ENOX1: variants seen among roughly 807,000 people sequenced by gnomAD.
ENOX1 encodes ecto-NOX disulfide-thiol exchanger 1, also known as candidate growth-related and time keeping constitutive hydroquinone (NADH) oxidase.
ENOX1 carries 42 observed loss-of-function variants against 82.5 expected under a neutral mutation model. The ratio of observed to expected loss-of-function variants is 0.51; its 90% CI spans 0.40 to 0.66. The LOEUF (loss-of-function observed/expected upper bound fraction) is 0.66, where lower values mean the gene tolerates loss of function less well. Ranked by LOEUF, ENOX1 falls within the 30% of genes least tolerant of loss-of-function variation. ENOX1 has a pLI of 0.00. For synonymous variants in ENOX1, 271 were observed against 282.2 expected (o/e 0.96, Z 0.40); for missense variants, 608 against 811.6 (o/e 0.75, Z 3.05).
chr13:43,680,147 G>C (rs1312020769), intron 1 of ENOX1, among the ~76,000 whole-genome samples: 1 of 152,126 alleles, frequency 6.6e-6, no homozygotes, highest in African/African-American at 2.4e-5. Context: ...TCACATATTT[G>C]TTTAGTGTTC....
intron 1 of ENOX1, among the ~76,000 whole-genome samples, chr13:43,780,139 C>T (rs547225127): frequency 6.8e-6 from 1 of 146,254 alleles, no homozygotes; most frequent in African/African-American, 2.5e-5. Flanking sequence ...CCAGCCTGGG[C>T]GACAGAGCGA....
intron 2 of ENOX1, among the ~76,000 whole-genome samples, chr13:43,497,775 C>T (rs2076843636): frequency 6.6e-6 from 1 of 152,036 alleles, no homozygotes; most frequent in South Asian, 2.1e-4. Context: ...TTCTCCCCAC[C>T]TCTATTTCCC....
chr13:43,283,098 A>AG (rs2045492082), intron 12 of ENOX1, among the ~76,000 whole-genome samples: 2 of 142,590 alleles, frequency 1.4e-5, no homozygotes, highest in South Asian at 4.4e-4. Flanking sequence ...AAGAAAAAAA[A>AG]AAATTTAAGC....
chr13:43,660,543 C>G (rs925941212), intron 2 of ENOX1, among the ~76,000 whole-genome samples: 1 of 152,158 alleles, frequency 6.6e-6, no homozygotes, highest in Non-Finnish European at 1.5e-5. Context: ...TAATCGCATG[C>G]TCTTATAAAC....
intron 11 of ENOX1, among the ~76,000 whole-genome samples, chr13:43,310,810 C>T (rs1015819631): frequency 8.6e-5 from 13 of 151,956 alleles, no homozygotes; most frequent in Non-Finnish European, 1.8e-4. Flanking sequence ...AAGCTTCAGT[C>T]ATTACCTCTT....
chr13:43,351,178 G>A (rs1427135441), intron 8 of ENOX1, among the ~76,000 whole-genome samples: 2 of 152,154 alleles, frequency 1.3e-5, no homozygotes, highest in African/African-American at 4.8e-5. Flanking sequence ...TGTCCCTAAA[G>A]AAGTCTCCTT....
intron 5 of ENOX1, among the ~76,000 whole-genome samples, chr13:43,403,631 A>C (rs2153592060): frequency 6.6e-6 from 1 of 152,226 alleles, no homozygotes; most frequent in Middle Eastern, 3.4e-3. Context: ...TTGCTTGATC[A>C]AGCCCAGGAG....
intron 2 of ENOX1, among the ~76,000 whole-genome samples, chr13:43,584,861 C>T (rs2080906117): frequency 1.3e-5 from 2 of 152,218 alleles, no homozygotes. Flanking sequence ...TTCATGTCAC[C>T]AAAATCTCCA....
chr13:43,415,451 T>A (rs1203841212), intron 3 of ENOX1, among the ~76,000 whole-genome samples: 1 of 151,978 alleles, frequency 6.6e-6, no homozygotes, highest in South Asian at 2.1e-4. Context: ...TGATGACTCT[T>A]AACGAACATG....
At chr13:43,469,980 G>GATAATGCATATTAT (rs2057916024) in intron 3 of ENOX1, among the ~76,000 whole-genome samples, 1 of 151,544 alleles carries the variant, frequency 6.6e-6, no homozygotes, top group African/African-American at 2.4e-5. Flanking sequence ...ATATTTATGT[G>GATAATGCATATTAT]GTCATTTGAT....
rs567487224 is a variant in ENOX1 at position 43,408,682 on chromosome 13, G to A, written c.208+3234C>T. On this transcript the variant is annotated intron_variant, in intron 5 of 16. Coordinates refer to ENST00000690772, the MANE Select transcript of ENOX1 (RefSeq NM_001347969.2). ...GTAAAAAGGGCATCAGATATGTCAT[G>A]TAAACATACCATAGAACCATAAGAA... is the stretch of plus-strand genomic sequence containing the variant. Among the ~76,000 whole-genome samples, 6 of 152,254 alleles carry A rather than the reference G, an allele frequency of 3.9e-5. No homozygotes were observed. The South Asian group carries it at 1.2e-3, about 32-fold the overall frequency.
At chr13:43,491,908 T>C (rs2076632013) in intron 2 of ENOX1, among the ~76,000 whole-genome samples, 1 of 152,204 alleles carries the variant, frequency 6.6e-6, no homozygotes, top group African/African-American at 2.4e-5. Context: ...AAATATCTGT[T>C]CCCACCATCC....
intron 2 of ENOX1, among the ~76,000 whole-genome samples, chr13:43,606,966 C>A (rs2153734913): frequency 6.6e-6 from 1 of 152,210 alleles, no homozygotes; most frequent in South Asian, 2.1e-4. Context: ...TGAGATAGTG[C>A]CACTGTGCTC....
At chr13:43,674,583 G>A (rs2085418663) in intron 1 of ENOX1, among the ~76,000 whole-genome samples, 1 of 152,108 alleles carries the variant, frequency 6.6e-6, no homozygotes, top group Non-Finnish European at 1.5e-5. Context: ...TTGTGGGGGA[G>A]GGAAGGGAGG....
intron 2 of ENOX1, among the ~76,000 whole-genome samples, chr13:43,542,769 C>T (rs1209867517): frequency 6.6e-6 from 1 of 152,170 alleles, no homozygotes; most frequent in African/African-American, 2.4e-5. Context: ...TGCTGTAATA[C>T]AATACTGTAC....
chr13:43,731,603 T>C (rs1178252403), intron 1 of ENOX1, among the ~76,000 whole-genome samples: 1 of 152,068 alleles, frequency 6.6e-6, no homozygotes, highest in African/African-American at 2.4e-5. Context: ...TTGAAAATTA[T>C]TAAAACATAC....
chr13:43,313,929 C>T (rs184663554), intron 11 of ENOX1, among the ~76,000 whole-genome samples: 11 of 152,240 alleles, frequency 7.2e-5, no homozygotes, highest in Admixed American at 5.9e-4. Context: ...GACCAGCATG[C>T]CCCAAGTAGA....
At position 43,574,278 on chromosome 13, in the gene ENOX1, G is replaced by T. The variant is rs1425156699; in HGVS notation, c.-218-90126C>A. On this transcript the variant is annotated intron_variant, in intron 2 of 16. Transcript: ENST00000690772. Reference sequence around the variant, plus strand: ...GGAAAAAACAAGAGGCCACGCGAAGGACTTTTCAGGTAGACATGGGTCCTA... The same window carrying T: ...GGAAAAAACAAGAGGCCACGCGAAGTACTTTTCAGGTAGACATGGGTCCTA... Among the ~76,000 whole-genome samples the T allele has an allele frequency of 3.9e-5, 6 of 152,216 alleles. No homozygotes were observed. The East Asian group carries it at 9.7e-4, about 24-fold the overall frequency.
At chr13:43,567,701 C>T (rs959712130) in intron 2 of ENOX1, among the ~76,000 whole-genome samples, 1 of 152,052 alleles carries the variant, frequency 6.6e-6, no homozygotes. Context: ...GCTTAATCTA[C>T]ATGTCTACTC....
Sources: allele counts gnomAD v4.1 joint callset (sites outside exome capture counted in the v4.1 genomes callset), GRCh38; gene constraint gnomAD v4.1.1; transcripts MANE v1.5; gene names NCBI Gene and HGNC (gene_info 2026-07-23, HGNC 2026-07-21).